Variants in CDH8 observed in about 807,000 individuals in gnomAD.
CDH8 encodes the protein cadherin 8.
Under a neutral mutation model 68.1 loss-of-function variants are expected in CDH8, and 17 were observed. That is an observed-to-expected ratio of 0.25 (90% confidence interval 0.17 to 0.37). The LOEUF (loss-of-function observed/expected upper bound fraction) is 0.37. Among genes scored for constraint, CDH8 ranks in the 10% least tolerant of loss-of-function variants. CDH8 has a pLI of 1.00. For synonymous variants in CDH8, 372 were observed against 365.1 expected, an observed-to-expected ratio of 1.02 and a Z score of -0.21; for missense variants, 763 against 999.3, an observed-to-expected ratio of 0.76 and a Z score of 3.19.
At chr16:62,004,673 C>T in intron 2 of CDH8, among the ~76,000 whole-genome samples, 1 of 152,198 alleles carries the variant, frequency 6.6e-6, no homozygotes, top group Middle Eastern at 3.2e-3. Flanking sequence ...GTGTTTCAAA[C>T]ACAAGGCTAT....
chr16:61,723,566 A>T (rs970935193), intron 9 of CDH8, among the ~76,000 whole-genome samples: 4 of 150,778 alleles, frequency 2.7e-5, no homozygotes, highest in African/African-American at 7.3e-5. Context: ...TATCATTTAC[A>T]ATTTTAATTA....
intron 8 of CDH8, among the ~76,000 whole-genome samples, chr16:61,731,898 A>G (rs1462086722): frequency 6.6e-6 from 1 of 151,814 alleles, no homozygotes; most frequent in Non-Finnish European, 1.5e-5. Flanking sequence ...CATAACATCA[A>G]GTAGAGAATA....
At chr16:61,869,369 G>A (rs1963315366) in intron 3 of CDH8, among the ~76,000 whole-genome samples, 2 of 152,258 alleles carry the variant, frequency 1.3e-5, no homozygotes, top group South Asian at 4.2e-4. Flanking sequence ...TTGACCCTGA[G>A]ACCTGCTACT....
chr16:61,839,520 C>A (rs1180372933), intron 4 of CDH8, among the ~76,000 whole-genome samples: 2 of 152,134 alleles, frequency 1.3e-5, no homozygotes, highest in Admixed American at 6.5e-5. Context: ...CTCAGGTGAG[C>A]AAATCAGACA....
At chr16:61,816,741 G>GA (rs958753882) in intron 7 of CDH8, among the ~76,000 whole-genome samples, 1 of 150,314 alleles carries the variant, frequency 6.7e-6, no homozygotes, top group East Asian at 2.0e-4. Context: ...ACTGGAAAAA[G>GA]AAAAAAGATG....
At chr16:61,851,979 T>G (rs1251332196) in intron 4 of CDH8, among the ~76,000 whole-genome samples, 1 of 151,986 alleles carries the variant, frequency 6.6e-6, no homozygotes, top group Non-Finnish European at 1.5e-5. Context: ...TCAAACACCT[T>G]GGGCAAGAAA....
At chr16:61,871,163 C>A (rs1963352458) in intron 3 of CDH8, among the ~76,000 whole-genome samples, 1 of 151,852 alleles carries the variant, frequency 6.6e-6, no homozygotes, top group Non-Finnish European at 1.5e-5. Context: ...CACACATACA[C>A]ACACACTTAT....
chr16:61,824,871 A>G (rs143234802), intron 5 of CDH8, 141 bp downstream of exon 5: 17,051 of 681,432 alleles, frequency 0.025, 362 homozygotes, highest in Non-Finnish European at 0.03. Context: ...TAAGTTTAGT[A>G]CCAAAATCAT....
chr16:62,015,293 A>G (rs1388517362), intron 2 of CDH8, among the ~76,000 whole-genome samples: 1 of 152,154 alleles, frequency 6.6e-6, no homozygotes, highest in African/African-American at 2.4e-5. Flanking sequence ...AGATATCTCA[A>G]TATGTGTGCA....
At chr16:61,677,112 T>C (rs1156802029) in intron 10 of CDH8, among the ~76,000 whole-genome samples, 3 of 151,898 alleles carry the variant, frequency 2.0e-5, no homozygotes, top group Non-Finnish European at 2.9e-5. Context: ...GTCTGGAAGA[T>C]AGCCTGGAAA....
rs200298541 is a variant in CDH8 at position 62,007,601 on chromosome 16, C to A, written c.252+13551G>T. Among the ~76,000 whole-genome samples, 10 of 151,752 alleles carry A rather than the reference C, an allele frequency of 6.6e-5. No homozygotes were observed. In the East Asian group the frequency reaches 1.4e-3, roughly 21 times the overall value. ...AATGCACAACTTTCCAAAGCAAAAA[C>A]AAAAAAAATCAGAACCTGTGTGAAC... On this transcript the variant is annotated intron_variant, in intron 2 of 11. Coordinates refer to ENST00000577390, the MANE Select transcript of CDH8 (RefSeq NM_001796.5).
intron 8 of CDH8, among the ~76,000 whole-genome samples, chr16:61,747,116 T>G (rs1960042945): frequency 1.3e-5 from 2 of 152,246 alleles, no homozygotes; most frequent in Admixed American, 6.5e-5. Context: ...TATACATTAC[T>G]ACTTCCTCTA....
chr16:61,902,166 G>A (rs7187718), intron 2 of CDH8, among the ~76,000 whole-genome samples: 3,525 of 152,240 alleles, frequency 0.023, 139 homozygotes, highest in African/African-American at 0.081. Flanking sequence ...ACTGAGGCCA[G>A]AATTTAGGAG....
rs886898753 is a variant in CDH8 at position 61,858,768 on chromosome 16, C to T, written c.548-1530G>A. On this transcript the variant is annotated intron_variant, in intron 3 of 11. Transcript: ENST00000577390. ...CATAGGGCTCTAGAGATGGCATGCCCGTTGAGGAAATGGGCCAAGCTTTTA... is the reference window on the plus strand; with the variant it reads ...CATAGGGCTCTAGAGATGGCATGCCTGTTGAGGAAATGGGCCAAGCTTTTA... Among the ~76,000 whole-genome samples the T allele has an allele frequency of 3.3e-5, 5 of 152,206 alleles. No individual in the cohort carries two copies. The East Asian group carries it at 7.8e-4, about 24-fold the overall frequency.
intron 8 of CDH8, among the ~76,000 whole-genome samples, chr16:61,781,967 T>C (rs2142992456): frequency 6.6e-6 from 1 of 152,288 alleles, no homozygotes; most frequent in South Asian, 2.1e-4. Flanking sequence ...CAGCAAAGTT[T>C]CCAAAGCTCT....
chr16:61,951,203 C>T (rs549092530), intron 2 of CDH8, among the ~76,000 whole-genome samples: 7 of 151,952 alleles, frequency 4.6e-5, no homozygotes, highest in Non-Finnish European at 1.0e-4. Flanking sequence ...TTTATCTTCC[C>T]AATACATGTA....
intron 9 of CDH8, chr16:61,725,310 A>C (rs1959320604): frequency 6.6e-6 from 1 of 150,900 alleles, no homozygotes; most frequent in Non-Finnish European, 1.5e-5. Context: ...AAACAGTCAA[A>C]ATCCACAGGG....
At chr16:61,988,932 T>G (rs1965671728) in intron 2 of CDH8, among the ~76,000 whole-genome samples, 1 of 152,112 alleles carries the variant, frequency 6.6e-6, no homozygotes, top group Admixed American at 6.6e-5. Context: ...CAATATAATT[T>G]CACTCCAAAA....
At chr16:62,018,795 T>A (rs1902003397) in intron 2 of CDH8, among the ~76,000 whole-genome samples, 1 of 152,194 alleles carries the variant, frequency 6.6e-6, no homozygotes, top group South Asian at 2.1e-4. Context: ...TTGGGCTATT[T>A]CAAAATCCTA....
Sources: gnomAD v4.1 joint callset for allele counts (sites outside exome capture counted in the v4.1 genomes callset) on GRCh38, gnomAD v4.1.1 for gene constraint, MANE v1.5 for transcripts, NCBI Gene and HGNC (gene_info 2026-07-23, HGNC 2026-07-21) for gene names.